The following RGS21 variants were observed in gnomAD, a reference collection of about 807,000 sequenced individuals.
RGS21 encodes the protein regulator of G protein signaling 21, also known as regulator of G-protein signalling 21.
In RGS21, 19 loss-of-function variants were observed where a neutral mutation model predicts 18.7. The observed-to-expected ratio is 1.01, with a 90% CI of 0.71 to 1.49. The LOEUF is 1.49. Ranked by LOEUF, RGS21 falls within the 40% of genes most tolerant of loss-of-function variation. The probability of loss-of-function intolerance (pLI) is 0.00; values close to 1 mark genes in which losing one functional copy is unlikely to be tolerated. For missense variants in RGS21, 194 were observed against 176.8 expected (o/e 1.10, Z -0.55); for synonymous variants, 56 against 57.8 (o/e 0.97, Z 0.14).
chr1:192,348,398 A>G (rs770561970), intron 3 of RGS21, among the ~76,000 whole-genome samples: 7 of 152,210 alleles, frequency 4.6e-5, no homozygotes, highest in Non-Finnish European at 1.0e-4. Flanking sequence ...GAAAATTTTG[A>G]AAATTTAAAT....
At chr1:192,330,233 A>T (rs1398798593) in intron 1 of RGS21, among the ~76,000 whole-genome samples, 1 of 152,228 alleles carries the variant, frequency 6.6e-6, no homozygotes, top group Non-Finnish European at 1.5e-5. Flanking sequence ...GCAACAGATC[A>T]TTTCCAGTTC....
chr1:192,341,967 G>A (rs991256486), intron 1 of RGS21, among the ~76,000 whole-genome samples: 4 of 151,952 alleles, frequency 2.6e-5, no homozygotes, highest in Admixed American at 6.6e-5. Context: ...AAAAGGGATC[G>A]TGCTGATTGA....
chr1:192,357,197 C>A (rs1659124161), intron 4 of RGS21, among the ~76,000 whole-genome samples: 2 of 151,554 alleles, frequency 1.3e-5, no homozygotes, highest in Non-Finnish European at 3.0e-5. Context: ...TAGAGGGAAA[C>A]AAGACAAGAT....
intron 2 of RGS21, among the ~76,000 whole-genome samples, chr1:192,346,375 A>G (rs1157839841): frequency 1.3e-5 from 2 of 152,112 alleles, no homozygotes; most frequent in African/African-American, 4.8e-5. Context: ...TTTTATAAGA[A>G]TTGCGATATA....
intron 4 of RGS21, among the ~76,000 whole-genome samples, chr1:192,358,241 C>T (rs1012303819): frequency 1.3e-5 from 2 of 151,996 alleles, no homozygotes; most frequent in Non-Finnish European, 2.9e-5. Context: ...ATATTTCTCT[C>T]ATTTCTCTTT....
chr1:192,343,119 T>C (rs1356754477), intron 2 of RGS21, 72 bp downstream of exon 2: 68 of 1,375,344 alleles, frequency 4.9e-5, no homozygotes, highest in Non-Finnish European at 6.6e-5. Context: ...TCTTTTAGTC[T>C]CGATGTTTTA....
intron 1 of RGS21, among the ~76,000 whole-genome samples, chr1:192,341,090 T>G (rs1022103086): frequency 1.3e-5 from 2 of 152,064 alleles, no homozygotes; most frequent in Non-Finnish European, 2.9e-5. Context: ...TCCCTGCCTT[T>G]TTCAGCTTCT....
In RGS21 at chr1:192,320,526, ATGTATG is replaced by A. The variant is rs57903620; in HGVS notation, c.-61+3461_-61+3466del. 6.0e-3 allele frequency among the ~76,000 whole-genome samples: 884 copies of A among 147,568 alleles called. 15 individuals carry two copies. The highest frequency in any genetic ancestry group is 0.047 in the East Asian group (236 of 5,034). On this transcript the variant is annotated intron_variant, in intron 1 of 4. Coordinates refer to ENST00000417209, the MANE Select transcript of RGS21 (RefSeq NM_001039152.3). ...TGTGTATGTGTATGTGTATGTGTAT[ATGTATG>A]TGTATGTGTATGTGTATGTGTATGT... is the stretch of plus-strand genomic sequence containing the variant.
rs377406331 is a variant in RGS21, at chr1:192,343,004, C to T, written c.-33C>T. 3.2e-5 allele frequency: 51 copies of T among 1,610,692 alleles called. No individual in the cohort carries two copies. Among genetic ancestry groups the T allele is most frequent in the African/African-American group, 3.1e-4 (23 of 74,800 alleles). ...TGAAGATCAGTCAGAAAGAGAAACT[C>T]GGCATCATCTGTGACAGACAGTGGA... On this transcript the variant is annotated 5_prime_UTR_variant, in exon 2 of 5. Transcript: ENST00000417209.
intron 1 of RGS21, among the ~76,000 whole-genome samples, chr1:192,334,391 T>C (rs989605413): frequency 3.3e-5 from 5 of 152,196 alleles, no homozygotes; most frequent in African/African-American, 1.2e-4. Context: ...CTTCCATTTT[T>C]GTTTTAGAAT....
intron 4 of RGS21, among the ~76,000 whole-genome samples, chr1:192,362,967 A>C (rs918888682): frequency 6.6e-6 from 1 of 152,156 alleles, no homozygotes; most frequent in Non-Finnish European, 1.5e-5. Flanking sequence ...AGAAAGAAAA[A>C]AAATCCACAC....
intron 1 of RGS21, among the ~76,000 whole-genome samples, chr1:192,321,765 A>C (rs1408713546): frequency 6.6e-6 from 1 of 152,058 alleles, no homozygotes; most frequent in Non-Finnish European, 1.5e-5. Context: ...TGTATTAAAA[A>C]GAGCCCTGAT....
intron 4 of RGS21, among the ~76,000 whole-genome samples, chr1:192,356,895 G>C (rs1466877346): frequency 6.6e-6 from 1 of 151,610 alleles, no homozygotes; most frequent in Non-Finnish European, 1.5e-5. Context: ...TTGCTTATTT[G>C]TTAATTTTCT....
chr1:192,338,526 T>C (rs1658805265), intron 1 of RGS21, among the ~76,000 whole-genome samples: 1 of 152,068 alleles, frequency 6.6e-6, no homozygotes, highest in Non-Finnish European at 1.5e-5. Flanking sequence ...TGATTCTTGT[T>C]GATCTCCTTT....
chr1:192,336,922 T>G (rs1402685015), intron 1 of RGS21, among the ~76,000 whole-genome samples: 1 of 152,170 alleles, frequency 6.6e-6, no homozygotes, highest in East Asian at 1.9e-4. Context: ...TTTCCTTTTC[T>G]ATTCAGAATA....
At position 192,366,753 on chromosome 1, in the gene RGS21, G is replaced by C. The variant is rs767134429; in HGVS notation, c.*629G>C. ...TTCAATGGCATCACATATAAAATGT[G>C]ATGAGTTATGTATGAAAAGGCCTCA... On this transcript the variant is annotated 3_prime_UTR_variant, in exon 5 of 5. Coordinates refer to ENST00000417209, the MANE Select transcript of RGS21 (RefSeq NM_001039152.3). 6.6e-6 allele frequency: 1 copy of C among 151,956 alleles called. No homozygotes were observed. The highest frequency in any genetic ancestry group is 1.5e-5 in the Non-Finnish European group (1 of 67,950). 9.4% of individuals were successfully genotyped at this position (151,956 alleles called of 1,614,324 possible).
intron 4 of RGS21, among the ~76,000 whole-genome samples, chr1:192,364,775 A>G (rs564260154): frequency 1.3e-5 from 2 of 152,252 alleles, no homozygotes; most frequent in East Asian, 3.9e-4. Context: ...AGTGCTAGAA[A>G]ATAGAATGAT....
At chr1:192,353,820 T>C (rs1227135871) in intron 4 of RGS21, among the ~76,000 whole-genome samples, 2 of 151,726 alleles carry the variant, frequency 1.3e-5, no homozygotes, top group African/African-American at 4.8e-5. Context: ...GTACATCTAA[T>C]TAATTTTGAT....
chr1:192,357,092 G>A (rs1659122137), intron 4 of RGS21, among the ~76,000 whole-genome samples: 1 of 151,816 alleles, frequency 6.6e-6, no homozygotes, highest in African/African-American at 2.4e-5. Flanking sequence ...AATATAAGGT[G>A]AGATGGTAGT....
Sources: gnomAD v4.1 joint callset for allele counts (sites outside exome capture counted in the v4.1 genomes callset) on GRCh38, gnomAD v4.1.1 for gene constraint, MANE v1.5 for transcripts, NCBI Gene and HGNC (gene_info 2026-07-23, HGNC 2026-07-21) for gene names.